RNF187: variants seen among roughly 807,000 people sequenced by gnomAD.
The protein encoded by RNF187 is ring finger protein 187.
Under a neutral mutation model 22.2 loss-of-function variants are expected in RNF187, and 18 were observed. The ratio of observed to expected loss-of-function variants is 0.81; its 90% CI spans 0.56 to 1.20. RNF187 has a LOEUF of 1.20. Among genes scored for constraint, RNF187 ranks in the 50% most tolerant of loss-of-function variants. The probability of loss-of-function intolerance (pLI) is 0.00; values close to 1 mark genes in which losing one functional copy is unlikely to be tolerated. For synonymous variants in RNF187, 164 were observed against 140.9 expected (o/e 1.16, Z -1.16); for missense variants, 329 against 317.6 (o/e 1.04, Z -0.27).
rs1437368475 is a variant in RNF187, at chr1:228,487,390, C to G, written c.-99C>G. 2.2e-5 allele frequency: 23 copies of G among 1,039,822 alleles called. No homozygotes were observed. The highest frequency in any genetic ancestry group is 2.7e-5 in the Non-Finnish European group (23 of 867,032). The allele number at this position is 1,039,822 out of a possible 1,614,324, so 64.4% of individuals were successfully genotyped here. On this transcript the variant is annotated 5_prime_UTR_variant, in exon 1 of 4. Transcript: ENST00000305943. Reference sequence around the variant, plus strand: ...CCGTGCGCGTCCCCGGCGTTGGCGTCTTCGTCCTGTTGCTGGTCTCCGTCC... The same window carrying G: ...CCGTGCGCGTCCCCGGCGTTGGCGTGTTCGTCCTGTTGCTGGTCTCCGTCC...
chr1:228,496,069 ATTC>A lies in RNF187; in HGVS notation c.*2187_*2189del. 1.5e-4 allele frequency among the ~76,000 whole-genome samples: 23 copies of A among 152,310 alleles called. 1 individual carries two copies. In the East Asian group the frequency reaches 3.5e-3, roughly 23 times the overall value. On this transcript the variant is annotated 3_prime_UTR_variant, in exon 4 of 4. Coordinates refer to ENST00000305943, the MANE Select transcript of RNF187 (RefSeq NM_001010858.3). ...ATGCTGTGCAATAGACCTTGAGTTT[ATTC>A]TTGTATAGCAGGGACTCTGTACCCT...
chr1:228,489,225 G>T, intron 2 of RNF187, among the ~76,000 whole-genome samples, 173 bp downstream of exon 2: 1 of 152,186 alleles, frequency 6.6e-6, no homozygotes. Flanking sequence ...GGATGTGTTT[G>T]TATTTCTCAA....
Position 228,495,312 on chromosome 1 carries a change from G to A in RNF187, c.*1427G>A. 3.5e-5 allele frequency: 10 copies of A among 285,174 alleles called. No homozygotes were observed. Among genetic ancestry groups the A allele is most frequent in the Non-Finnish European group, 4.7e-5 (9 of 189,924 alleles). 17.7% of individuals were successfully genotyped at this position (285,174 alleles called of 1,614,324 possible). ...GGGCGATCAGACATTGGCTGCAAAC[G>A]GTCAGAGAGGAACCCAGTCAGGTAC... On this transcript the variant is annotated 3_prime_UTR_variant, in exon 4 of 4. Coordinates refer to ENST00000305943, the MANE Select transcript of RNF187 (RefSeq NM_001010858.3).
chr1:228,492,711 C>T, intron 2 of RNF187, among the ~76,000 whole-genome samples: 1 of 149,424 alleles, frequency 6.7e-6, no homozygotes, highest in African/African-American at 2.5e-5. Context: ...ACTGCAACCT[C>T]CGCCTCCTGG....
intron 2 of RNF187, among the ~76,000 whole-genome samples, chr1:228,492,029 G>A: frequency 6.6e-6 from 1 of 152,098 alleles, no homozygotes; most frequent in Non-Finnish European, 1.5e-5. Flanking sequence ...GAAGCAGAAT[G>A]GAGGTCAGGG....
At position 228,493,266 on chromosome 1, in the gene RNF187, C is replaced by G. The variant is rs1177015516; in HGVS notation, c.697C>G (p.Leu233Val). The G allele has an allele frequency of 6.5e-7, 1 of 1,549,784 alleles. No homozygotes were observed. Among genetic ancestry groups the G allele is most frequent in the African/African-American group, 1.4e-5 (1 of 73,022 alleles). The change falls in exon 3 of 4, where the codon CTG becomes GTG. Residue 233 changes from leucine (L) to valine (V), a missense_variant. Physicochemically the swap from Leu to Val is conservative, Grantham distance 32. Transcript: ENST00000305943. This position sits in a 1 kb window ranked among gnomAD's most constrained non-coding sequence, Gnocchi z 4.7. ...GCATCGCAACCTGGGCCTCAGCATGCTGCTGCAGGTGCGGGAGCCCCGCTG... is the reference window on the plus strand; with the variant it reads ...GCATCGCAACCTGGGCCTCAGCATGGTGCTGCAGGTGCGGGAGCCCCGCTG...
chr1:228,495,836 G>T lies in RNF187; in HGVS notation c.*1951G>T. ...TATCCATCTCATGTTTTTTTTGGTG[G>T]TGAGAATATTTGAAATCTACACTCA... On this transcript the variant is annotated 3_prime_UTR_variant, in exon 4 of 4. Coordinates refer to ENST00000305943, the MANE Select transcript of RNF187 (RefSeq NM_001010858.3). 1.2e-6 allele frequency: 1 copy of T among 821,188 alleles called. No homozygotes were observed. Among genetic ancestry groups the T allele is most frequent in the Non-Finnish European group, 1.5e-6 (1 of 681,050 alleles). The allele number at this position is 821,188 out of a possible 1,614,324, so 50.9% of individuals were successfully genotyped here. A position where few individuals can be genotyped will look rare whatever the true frequency, so the allele number is the denominator to read the frequency against.
chr1:228,492,667 C>G, intron 2 of RNF187, among the ~76,000 whole-genome samples: 2 of 135,472 alleles, frequency 1.5e-5, no homozygotes, highest in African/African-American at 5.8e-5. Context: ...GCTCTGTCGC[C>G]CAGGCTGGAG....
At chr1:228,492,610 G>A in intron 2 of RNF187, among the ~76,000 whole-genome samples, 5 of 143,686 alleles carry the variant, frequency 3.5e-5, no homozygotes, top group South Asian at 2.2e-4. Context: ...GTGAGCCCCC[G>A]TGCCTGGCTT....
Position 228,494,767 on chromosome 1 carries a change from G to T in RNF187, c.*882G>T. On this transcript the variant is annotated 3_prime_UTR_variant, in exon 4 of 4. Coordinates refer to ENST00000305943, the MANE Select transcript of RNF187 (RefSeq NM_001010858.3). ...AGATAAATTAGTCGACAGAAACTCA[G>T]CACTGGGGACAGGATTGCAAAGTCG... 1.0e-6 allele frequency: 1 copy of T among 985,304 alleles called. No homozygotes were observed. The allele number at this position is 985,304 out of a possible 1,614,324, so 61.0% of individuals were successfully genotyped here.
chr1:228,495,507 T>C lies in RNF187; in HGVS notation c.*1622T>C. 2.0e-6 allele frequency: 2 copies of C among 985,414 alleles called. No individual in the cohort carries two copies. Among genetic ancestry groups the C allele is most frequent in the Non-Finnish European group, 2.4e-6 (2 of 829,958 alleles). 61.0% of individuals were successfully genotyped at this position (985,414 alleles called of 1,614,324 possible). A position where few individuals can be genotyped will look rare whatever the true frequency, so the allele number is the denominator to read the frequency against. On this transcript the variant is annotated 3_prime_UTR_variant, in exon 4 of 4. Transcript: ENST00000305943. The stretch of plus-strand genomic sequence containing the variant: ...CCAACAACATCCCGACCCTGAGACC[T>C]CCAGTTTGTCTTTCTCACTGTCTCC...
chr1:228,491,033 A>G, intron 2 of RNF187, among the ~76,000 whole-genome samples: 1 of 152,140 alleles, frequency 6.6e-6, no homozygotes, highest in Non-Finnish European at 1.5e-5. Flanking sequence ...TAGGGGAGAA[A>G]GAACTCTATT....
At chr1:228,491,502 G>T in intron 2 of RNF187, among the ~76,000 whole-genome samples, 2 of 150,802 alleles carry the variant, frequency 1.3e-5, no homozygotes, top group Middle Eastern at 3.4e-3. Context: ...GTGCAGTGGT[G>T]CGATCTTGCC....
intron 2 of RNF187, 147 bp from the exon 3 acceptor site, chr1:228,492,906 A>T: frequency 2.3e-6 from 2 of 866,042 alleles, no homozygotes; most frequent in Non-Finnish European, 3.5e-6. Context: ...TACAAGCGTG[A>T]GCCACTGTGC....
chr1:228,495,438 A>C lies in RNF187; in HGVS notation c.*1553A>C. 1.0e-6 allele frequency: 1 copy of C among 977,820 alleles called. No homozygotes were observed. Among genetic ancestry groups the C allele is most frequent in the Non-Finnish European group, 1.2e-6 (1 of 823,122 alleles). The allele number at this position is 977,820 out of a possible 1,614,324, so 60.6% of individuals were successfully genotyped here. On this transcript the variant is annotated 3_prime_UTR_variant, in exon 4 of 4. Coordinates refer to ENST00000305943, the MANE Select transcript of RNF187 (RefSeq NM_001010858.3). ...AGAGGGCCCTAGGAGAAGATTCCAGAGCCTGGCCAGAGTTTGGCCAAGTAG... is the reference window on the plus strand; with the variant it reads ...AGAGGGCCCTAGGAGAAGATTCCAGCGCCTGGCCAGAGTTTGGCCAAGTAG...
intron 1 of RNF187, 36 bp downstream of exon 1, chr1:228,487,914 G>C: frequency 8.9e-7 from 1 of 1,127,244 alleles, no homozygotes. Flanking sequence ...CACCCCGGAC[G>C]GTGCCCTGCG....
chr1:228,490,892 G>A, intron 2 of RNF187, among the ~76,000 whole-genome samples: 2 of 152,196 alleles, frequency 1.3e-5, no homozygotes, highest in African/African-American at 4.8e-5. Flanking sequence ...CAAGATGGGT[G>A]TGTGTCCTGC....
chr1:228,493,771 C>G lies in RNF187; in HGVS notation c.706-112C>G. 2 of 1,151,698 alleles carry G rather than the reference C, an allele frequency of 1.7e-6. No individual in the cohort carries two copies. The highest frequency in any genetic ancestry group is 2.5e-6 in the Non-Finnish European group (2 of 785,302). 71.3% of individuals were successfully genotyped at this position (1,151,698 alleles called of 1,614,324 possible). On this transcript the variant is annotated intron_variant, in intron 3 of 3. Coordinates refer to ENST00000305943, the MANE Select transcript of RNF187 (RefSeq NM_001010858.3). This position sits in a 1 kb window ranked among gnomAD's most constrained non-coding sequence, Gnocchi z 4.7. ...GTTGTGCTCAGGACAGTACCTCATG[C>G]GCTGTCTCATGTGCGCTCTCTCTTT... is the stretch of plus-strand genomic sequence containing the variant.
chr1:228,488,077 C>T, intron 1 of RNF187, 199 bp downstream of exon 1: 1 of 206,244 alleles, frequency 4.8e-6, no homozygotes, highest in Non-Finnish European at 9.4e-6. Flanking sequence ...CCTCCTGCGG[C>T]TTGCCTCCCC....
Sources: allele counts gnomAD v4.1 joint callset (sites outside exome capture counted in the v4.1 genomes callset), GRCh38; gene constraint gnomAD v4.1.1; non-coding constraint Gnocchi (gnomAD v3.1); transcripts MANE v1.5; gene names NCBI Gene and HGNC (gene_info 2026-07-23, HGNC 2026-07-21).